The following GALNT10 variants were observed in gnomAD, a reference collection of about 807,000 sequenced individuals.
GALNT10 encodes GalNAc transferase 10.
GALNT10 carries 41 observed loss-of-function variants against 75.0 expected under a neutral mutation model. The ratio of observed to expected loss-of-function variants is 0.55; its 90% CI spans 0.43 to 0.71. The LOEUF (loss-of-function observed/expected upper bound fraction) is 0.71, where lower values mean the gene tolerates loss of function less well. Ranked by LOEUF, GALNT10 falls within the 30% of genes least tolerant of loss-of-function variation. The pLI, the probability that GALNT10 is intolerant of heterozygous loss-of-function variation, is 0.00. For synonymous variants in GALNT10, 302 were observed against 313.0 expected (o/e 0.96, Z 0.37); for missense variants, 727 against 818.5 (o/e 0.89, Z 1.36).
chr5:154,412,215 A>G lies in GALNT10; in HGVS notation c.1387-674A>G, dbSNP rs1484382872. ...TTGATATCTGTAAGGTTGGAACTAC[A>G]TGATGTGACGCTATGCACCTAGCAC... On this transcript the variant is annotated intron_variant, in intron 9 of 11. Coordinates refer to ENST00000297107, the MANE Select transcript of GALNT10 (RefSeq NM_198321.4). This position sits in a 1 kb window ranked among gnomAD's most constrained non-coding sequence, Gnocchi z 4.2. Among the ~76,000 whole-genome samples the G allele has an allele frequency of 6.6e-6, 1 of 152,222 alleles. No homozygotes were observed. The highest frequency in any genetic ancestry group is 1.5e-5 in the Non-Finnish European group (1 of 68,036).
chr5:154,293,613 A>ATATATATATATATATATATTTTTT, intron 1 of GALNT10, among the ~76,000 whole-genome samples: 56 of 109,388 alleles, frequency 5.1e-4, no homozygotes, highest in African/African-American at 2.1e-3. Context: ...ATATATATAT[A>ATATATATATATATATATATTTTTT]TTTTTTTTTT....
At chr5:154,252,325 C>T (rs1467792505) in intron 1 of GALNT10, among the ~76,000 whole-genome samples, 4 of 152,096 alleles carry the variant, frequency 2.6e-5, no homozygotes. Flanking sequence ...AATCAGTTTG[C>T]TTGCCTGAAG....
chr5:154,332,600 G>A (rs1415617928), intron 4 of GALNT10, among the ~76,000 whole-genome samples: 2 of 152,228 alleles, frequency 1.3e-5, no homozygotes, highest in Non-Finnish European at 2.9e-5. Flanking sequence ...TAGACCACTT[G>A]TGGTCTGGAA....
chr5:154,228,177 C>A (rs1446441671), intron 1 of GALNT10, among the ~76,000 whole-genome samples: 1 of 152,144 alleles, frequency 6.6e-6, no homozygotes, highest in African/African-American at 2.4e-5. Flanking sequence ...GAACCGTGAG[C>A]CAATTAAACC....
intron 1 of GALNT10, among the ~76,000 whole-genome samples, chr5:154,226,599 A>G (rs1405584877): frequency 6.6e-6 from 1 of 152,238 alleles, no homozygotes; most frequent in Admixed American, 6.5e-5. Flanking sequence ...TTATCCAGCT[A>G]CTTTTAAGAT....
At chr5:154,293,173 C>G (rs1056404944) in intron 1 of GALNT10, among the ~76,000 whole-genome samples, 1 of 152,118 alleles carries the variant, frequency 6.6e-6, no homozygotes, top group African/African-American at 2.4e-5. Flanking sequence ...AGCGCAGGGA[C>G]GATTTTATTC....
chr5:154,356,376 G>T (rs1473322047), intron 4 of GALNT10: 13 of 351,828 alleles, frequency 3.7e-5, no homozygotes, highest in Non-Finnish European at 7.3e-5. Context: ...AGGGCTGGGG[G>T]TTGGGTATGA....
Position 154,416,887 on chromosome 5 carries a change from A to G in GALNT10, c.1727A>G (p.Asn576Ser). 1 of 1,613,382 alleles carries G rather than the reference A, an allele frequency of 6.2e-7. No homozygotes were observed. The highest frequency in any genetic ancestry group is 1.1e-5 in the South Asian group (1 of 91,068). Reference protein sequence around the residue: ...CSESDHRIFMNTCNPSSLTQQ... With the variant: ...CSESDHRIFMSTCNPSSLTQQ... Reference sequence around the variant, plus strand: ...GAAAGTGACCATAGGATCTTCATGAACACCTGCAACCCATCCTCTCTCACC... The same window carrying G: ...GAAAGTGACCATAGGATCTTCATGAGCACCTGCAACCCATCCTCTCTCACC... The change falls in exon 12 of 12, where the codon AAC becomes AGC. Residue 576 changes from asparagine (N) to serine (S), a missense_variant. Physicochemically the swap from Asn to Ser is conservative, Grantham distance 46. Coordinates refer to ENST00000297107, the MANE Select transcript of GALNT10 (RefSeq NM_198321.4). The surrounding 1 kb of genome is among the most constrained non-coding windows in gnomAD (Gnocchi z 4.5).
intron 1 of GALNT10, among the ~76,000 whole-genome samples, chr5:154,247,608 G>A (rs1481987865): frequency 6.6e-6 from 1 of 152,006 alleles, no homozygotes; most frequent in Non-Finnish European, 1.5e-5. Context: ...TTGGCTCTCT[G>A]TTTGTCTGTT....
chr5:154,284,093 A>C (rs558371038), intron 1 of GALNT10, among the ~76,000 whole-genome samples: 60 of 152,378 alleles, frequency 3.9e-4, no homozygotes, highest in African/African-American at 1.4e-3. Context: ...ATAGTAACTA[A>C]TAATGGTAGC....
intron 3 of GALNT10, among the ~76,000 whole-genome samples, chr5:154,311,411 A>C (rs1754515760): frequency 6.6e-6 from 1 of 152,174 alleles, no homozygotes; most frequent in East Asian, 1.9e-4. Flanking sequence ...AATTGTGTCA[A>C]ATGGGGAACA....
intron 1 of GALNT10, among the ~76,000 whole-genome samples, chr5:154,245,169 G>C (rs1753400790): frequency 6.6e-6 from 1 of 152,204 alleles, no homozygotes; most frequent in African/African-American, 2.4e-5. Flanking sequence ...GTGATGCAAG[G>C]GGGTGGAGAT....
intron 1 of GALNT10, among the ~76,000 whole-genome samples, chr5:154,293,554 C>T (rs958883551): frequency 2.0e-5 from 3 of 149,924 alleles, no homozygotes; most frequent in African/African-American, 7.5e-5. Flanking sequence ...ATGATAAATG[C>T]TGCCAAAGCC....
chr5:154,398,238 A>G (rs577654353), intron 7 of GALNT10, among the ~76,000 whole-genome samples: 1 of 152,362 alleles, frequency 6.6e-6, no homozygotes, highest in Non-Finnish European at 1.5e-5. Context: ...CAGAGCAGAC[A>G]GCTGCATCCC....
At chr5:154,366,046 C>T (rs183813202) in intron 4 of GALNT10, among the ~76,000 whole-genome samples, 189 of 152,338 alleles carry the variant, frequency 1.2e-3, no homozygotes, top group African/African-American at 4.3e-3. Flanking sequence ...TGGAACTCCA[C>T]CAGCAGTTGT....
At position 154,418,325 on chromosome 5, in the gene GALNT10, C is replaced by T. The variant is rs1168098448; in HGVS notation, c.*1353C>T. On this transcript the variant is annotated 3_prime_UTR_variant, in exon 12 of 12. Coordinates refer to ENST00000297107, the MANE Select transcript of GALNT10 (RefSeq NM_198321.4). ...CAGTGGAGAAAAGAACCCGACGTCC[C>T]ACAGCCAGATATACACCCAGCTCCA... is the stretch of plus-strand genomic sequence containing the variant. 1 of 152,270 alleles carries T rather than the reference C, an allele frequency of 6.6e-6. No individual in the cohort carries two copies. The highest frequency in any genetic ancestry group is 1.5e-5 in the Non-Finnish European group (1 of 68,122). The allele number at this position is 152,270 out of a possible 1,614,324, so 9.4% of individuals were successfully genotyped here.
intron 4 of GALNT10, among the ~76,000 whole-genome samples, chr5:154,346,869 A>G (rs575172670): frequency 2.3e-4 from 35 of 152,178 alleles, no homozygotes; most frequent in African/African-American, 6.3e-4. Flanking sequence ...AAACTGGGCT[A>G]CTTTCTCAGA....
chr5:154,391,533 G>A (rs1755896619), intron 7 of GALNT10, among the ~76,000 whole-genome samples: 1 of 152,188 alleles, frequency 6.6e-6, no homozygotes, highest in Non-Finnish European at 1.5e-5. Context: ...TCTAGTGGTT[G>A]GACAAGTCTT....
chr5:154,383,258 T>C (rs1291486011), intron 6 of GALNT10, among the ~76,000 whole-genome samples: 1 of 152,170 alleles, frequency 6.6e-6, no homozygotes. Context: ...TCCCACTTGA[T>C]GGTAGAGTGC....
Sources: gnomAD v4.1 joint callset for allele counts (sites outside exome capture counted in the v4.1 genomes callset) on GRCh38, gnomAD v4.1.1 for gene constraint, Gnocchi (gnomAD v3.1) non-coding constraint, MANE v1.5 for transcripts, NCBI Gene and HGNC (gene_info 2026-07-23, HGNC 2026-07-21) for gene names.